Variants in PFAS observed in about 807,000 individuals in gnomAD.
PFAS encodes phosphoribosylformylglycinamidine synthase.
In PFAS, 97 loss-of-function variants were observed where a neutral mutation model predicts 140.6. That is an observed-to-expected ratio of 0.69 (90% CI 0.59 to 0.82). The LOEUF (loss-of-function observed/expected upper bound fraction) is 0.82, where lower values mean the gene tolerates loss of function less well. Among genes scored for constraint, PFAS ranks in the 40% least tolerant of loss-of-function variants. The pLI is 0.00. For synonymous variants in PFAS, 679 were observed against 718.8 expected, an observed-to-expected ratio of 0.94 and a Z score of 0.88; for missense variants, 1,656 against 1,780.2, an observed-to-expected ratio of 0.93 and a Z score of 1.26.
chr17:8,248,979 G>A (rs532008884), upstream of PFAS, among the ~76,000 whole-genome samples: 2 of 152,288 alleles, frequency 1.3e-5, no homozygotes, highest in Non-Finnish European at 2.9e-5. Context: ...GCATCTTTCA[G>A]TCTCCCTGAT....
At chr17:8,247,781 T>A (rs996232660), upstream of PFAS, 5 of 579,732 alleles carry the variant, frequency 8.6e-6, no homozygotes, top group Non-Finnish European at 1.3e-5. Context: ...CCCTAGAGAG[T>A]GAACGGAGAC....
In PFAS at chr17:8,266,340, C is replaced by A. The variant is rs751640861; in HGVS notation, c.2808C>A (p.Val936=). 6.2e-7 allele frequency: 1 copy of A among 1,613,884 alleles called. No homozygotes were observed. The highest frequency in any genetic ancestry group is 1.3e-5 in the African/African-American group (1 of 74,870). ...GNCGLQVDVP[V]PRVDVLSVLF... is the part of the protein sequence containing the mutation. The stretch of plus-strand genomic sequence containing the variant: ...GCGGGCTACAGGTGGATGTGCCTGT[C>A]CCCAGGGTTGATGGTAAGGAACCTG... Residue 936 remains valine, a synonymous_variant, in exon 22 of 28, where the codon GTC becomes GTA. Coordinates refer to ENST00000314666, the MANE Select transcript of PFAS (RefSeq NM_012393.3). This position sits in a 1 kb window ranked among gnomAD's most constrained non-coding sequence, Gnocchi z 5.0.
Position 8,257,283 on chromosome 17 carries a change from G to T in PFAS, c.1075+320G>T, listed in dbSNP as rs558399895. Among the ~76,000 whole-genome samples, 490 of 152,302 alleles carry T rather than the reference G, an allele frequency of 3.2e-3. 1 individual carries two copies. Among genetic ancestry groups the T allele is most frequent in the African/African-American group, 0.011 (444 of 41,562 alleles). ...CTTAGCCTGAGAAACTTGGCTGGGC[G>T]TGGTGGCTCACGCCTGTAATCCCAG... On this transcript the variant is annotated intron_variant, in intron 9 of 27. Coordinates refer to ENST00000314666, the MANE Select transcript of PFAS (RefSeq NM_012393.3).
upstream of PFAS, chr17:8,247,978 A>C: frequency 6.2e-7 from 1 of 1,607,800 alleles, no homozygotes; most frequent in Non-Finnish European, 8.5e-7. Flanking sequence ...GAAAAAAGGA[A>C]CAAGAGACGT....
At chr17:8,248,117 T>C (rs1202358273), upstream of PFAS, 5 of 1,022,896 alleles carry the variant, frequency 4.9e-6, no homozygotes, top group African/African-American at 4.8e-5. Flanking sequence ...CTCGGTGACG[T>C]CACCGGTGAG....
In PFAS at chr17:8,267,978, T is replaced by C; in HGVS notation, c.3382+313T>C. Reference sequence around the variant, plus strand: ...TTAAAATATATATTATTTATATATATTATTTATATATTATTAAAATATATT... The same window carrying C: ...TTAAAATATATATTATTTATATATACTATTTATATATTATTAAAATATATT... On this transcript the variant is annotated intron_variant, in intron 26 of 27. Coordinates refer to ENST00000314666, the MANE Select transcript of PFAS (RefSeq NM_012393.3). The surrounding 1 kb of genome is among the most constrained non-coding windows in gnomAD (Gnocchi z 4.9). 6.9e-6 allele frequency among the ~76,000 whole-genome samples: 1 copy of C among 144,320 alleles called. No individual in the cohort carries two copies. The highest frequency in any genetic ancestry group is 2.1e-4 in the South Asian group (1 of 4,740). 94.7% of individuals were successfully genotyped at this position (144,320 alleles called of 152,430 possible). A position where few individuals can be genotyped will look rare whatever the true frequency, so the allele number is the denominator to read the frequency against.
chr17:8,248,480 C>T (rs1020441430), upstream of PFAS, among the ~76,000 whole-genome samples: 52 of 139,090 alleles, frequency 3.7e-4, 2 homozygotes, highest in East Asian at 8.3e-4. Flanking sequence ...AGGCTGGTCT[C>T]AAACTCCTGA....
At position 8,267,132 on chromosome 17, in the gene PFAS, G is replaced by A. The variant is rs141499319; in HGVS notation, c.3072G>A (p.Glu1024=). The change falls in exon 24 of 28, where the codon GAG becomes GAA. Residue 1024 remains glutamate, a synonymous_variant. Coordinates refer to ENST00000314666, the MANE Select transcript of PFAS (RefSeq NM_012393.3). The surrounding 1 kb of genome is among the most constrained non-coding windows in gnomAD (Gnocchi z 4.9). ...TCCAGCTGGACCGGCTACAGGCAGA[G>A]CCTCGCTGTGTGGCAGAGGAGGAAC... ...TSFQLDRLQA[E]PRCVAEEERG... 1.2e-6 allele frequency: 2 copies of A among 1,612,684 alleles called. No homozygotes were observed. Among genetic ancestry groups the A allele is most frequent in the African/African-American group, 1.3e-5 (1 of 75,044 alleles).
intron 1 of PFAS, among the ~76,000 whole-genome samples, chr17:8,249,668 A>C (rs1989065736): frequency 6.6e-6 from 1 of 152,160 alleles, no homozygotes; most frequent in Non-Finnish European, 1.5e-5. Flanking sequence ...CCTGTCTCTG[A>C]GCTCTTGAAG....
rs746987658 is a variant in PFAS, at chr17:8,254,304, A to G, written c.278+3A>G. 1.2e-6 allele frequency: 2 copies of G among 1,613,760 alleles called. No individual in the cohort carries two copies. The highest frequency in any genetic ancestry group is 2.2e-5 in the East Asian group (1 of 44,898). Reference sequence around the variant, plus strand: ...CTGCTGCTGGAGGTCGGGCCCAGGTAAGTATCTCATCCTGCCCACCCCTTT... The same window carrying G: ...CTGCTGCTGGAGGTCGGGCCCAGGTGAGTATCTCATCCTGCCCACCCCTTT... On this transcript the variant is annotated splice_donor_region_variant and intron_variant, in intron 3 of 27. Transcript: ENST00000314666.
chr17:8,266,079 A>G lies in PFAS; in HGVS notation c.2701+62A>G, dbSNP rs954883001. 6.5e-7 allele frequency: 1 copy of G among 1,541,546 alleles called. No individual in the cohort carries two copies. Among genetic ancestry groups the G allele is most frequent in the Non-Finnish European group, 8.8e-7 (1 of 1,133,886 alleles). ...GCCAGGCGTGCAGCAGGCGTTCACC[A>G]TCTGAGCAGTGGGGCAAAAGGGACT... On this transcript the variant is annotated intron_variant, in intron 21 of 27. Transcript: ENST00000314666. This position sits in a 1 kb window ranked among gnomAD's most constrained non-coding sequence, Gnocchi z 5.0.
Position 8,257,533 on chromosome 17 carries a change from G to A in PFAS, c.1076-274G>A, listed in dbSNP as rs144008370. Among the ~76,000 whole-genome samples the A allele has an allele frequency of 5.5e-3, 834 of 152,144 alleles. 10 individuals are homozygous for A. The highest frequency in any genetic ancestry group is 0.019 in the African/African-American group (785 of 41,516). The stretch of plus-strand genomic sequence containing the variant: ...ATCACGCCACTGCACGCTAGCCTGG[G>A]TGATAGAGCGAGACTCCATCTCAAA... On this transcript the variant is annotated intron_variant, in intron 9 of 27. Transcript: ENST00000314666.
At chr17:8,262,143 A>G (rs1206434405) in intron 11 of PFAS, among the ~76,000 whole-genome samples, 1 of 152,014 alleles carries the variant, frequency 6.6e-6, no homozygotes, top group African/African-American at 2.4e-5. Flanking sequence ...TTTTTCGCTT[A>G]GCAGTATATC....
At chr17:8,250,880 A>G (rs1226885459) in intron 1 of PFAS, among the ~76,000 whole-genome samples, 1 of 152,130 alleles carries the variant, frequency 6.6e-6, no homozygotes, top group Non-Finnish European at 1.5e-5. Flanking sequence ...TGTGAAAATC[A>G]TTGATTGAAG....
Position 8,263,647 on chromosome 17 carries a change from T to A in PFAS, c.1629+11T>A. Reference sequence around the variant, plus strand: ...ACCAGCCGCTTCCAGGTGGGTCTCGTCCCCTGAAGTGTGACATTTTCCCAC... The same window carrying A: ...ACCAGCCGCTTCCAGGTGGGTCTCGACCCCTGAAGTGTGACATTTTCCCAC... On this transcript the variant is annotated intron_variant, in intron 14 of 27. Transcript: ENST00000314666. The A allele has an allele frequency of 1.9e-6, 3 of 1,613,118 alleles. No individual in the cohort carries two copies. Among genetic ancestry groups the A allele is most frequent in the Non-Finnish European group, 2.5e-6 (3 of 1,179,108 alleles).
intron 15 of PFAS, 28 bp from the exon 16 acceptor site, chr17:8,264,184 C>G (rs765289225): frequency 1.7e-5 from 28 of 1,612,812 alleles, no homozygotes; most frequent in Non-Finnish European, 2.4e-5. Flanking sequence ...GTCTCATCCC[C>G]TCTGGGTGGG....
chr17:8,257,356 A>C (rs1385098856), intron 9 of PFAS, among the ~76,000 whole-genome samples: 1 of 152,048 alleles, frequency 6.6e-6, no homozygotes, highest in Non-Finnish European at 1.5e-5. Flanking sequence ...GGAGATCAAA[A>C]CCATCCTGGC....
At chr17:8,257,566 A>G (rs866575191) in intron 9 of PFAS, among the ~76,000 whole-genome samples, 1 of 152,040 alleles carries the variant, frequency 6.6e-6, no homozygotes, top group African/African-American at 2.4e-5. Flanking sequence ...AAAAAAAAAA[A>G]CAGAAAGCCT....
intron 13 of PFAS, 70 bp from the exon 14 acceptor site, chr17:8,263,505 A>G: frequency 7.5e-7 from 1 of 1,333,764 alleles, no homozygotes; most frequent in Non-Finnish European, 1.1e-6. Flanking sequence ...GCCCCTTTGG[A>G]GGCCAGGGAC....
Sources: allele counts gnomAD v4.1 joint callset (sites outside exome capture counted in the v4.1 genomes callset), GRCh38; gene constraint gnomAD v4.1.1; non-coding constraint Gnocchi (gnomAD v3.1); transcripts MANE v1.5; gene names NCBI Gene and HGNC (gene_info 2026-07-23, HGNC 2026-07-21).